NAALADL2: variants seen among roughly 807,000 people sequenced by gnomAD.
The protein encoded by NAALADL2 is N-acetylated alpha-linked acidic dipeptidase like 2, also known as inactive N-acetylated-alpha-linked acidic dipeptidase-like protein 2.
Under a neutral mutation model 87.2 loss-of-function variants are expected in NAALADL2, and 76 were observed. That is an observed-to-expected ratio of 0.87 (90% confidence interval 0.72 to 1.05). NAALADL2 has a LOEUF of 1.05. Among genes scored for constraint, NAALADL2 ranks in the 50% least tolerant of loss-of-function variants. The probability of loss-of-function intolerance (pLI) is 0.00; values close to 1 mark genes in which losing one functional copy is unlikely to be tolerated. For synonymous variants in NAALADL2, 354 were observed against 331.0 expected, an observed-to-expected ratio of 1.07 and a Z score of -0.75; for missense variants, 1,089 against 945.8, an observed-to-expected ratio of 1.15 and a Z score of -1.99.
intron 2 of NAALADL2, among the ~76,000 whole-genome samples, chr3:175,160,484 C>CT (rs1472648510): frequency 7.0e-6 from 1 of 142,546 alleles, no homozygotes; most frequent in African/African-American, 2.5e-5. Flanking sequence ...TCCTAAGTAA[C>CT]TGGGATTACA....
intron 3 of NAALADL2, among the ~76,000 whole-genome samples, chr3:174,816,514 TTTATA>T (rs200266720): frequency 0.025 from 3,251 of 128,720 alleles, 40 homozygotes; most frequent in Middle Eastern, 0.038. Context: ...TATACATTTA[TTTATA>T]TTATATTATA....
At chr3:175,634,806 T>G (rs1415580748) in intron 11 of NAALADL2, among the ~76,000 whole-genome samples, 3 of 151,982 alleles carry the variant, frequency 2.0e-5, no homozygotes, top group Admixed American at 6.6e-5. Context: ...AAGCTATGAA[T>G]TTAGAGCTTT....
intron 2 of NAALADL2, among the ~76,000 whole-genome samples, chr3:174,700,155 G>A (rs1483987475): frequency 6.6e-6 from 1 of 150,936 alleles, no homozygotes; most frequent in East Asian, 1.9e-4. Context: ...TACTGAGGAA[G>A]GGCCTCAGGG....
At position 175,418,340 on chromosome 3, in the gene NAALADL2, T is replaced by C. The variant is rs76122906; in HGVS notation, c.1091-28889T>C. Among the ~76,000 whole-genome samples the C allele has an allele frequency of 4.2e-3, 636 of 152,234 alleles. 13 individuals are homozygous for C. In the East Asian group the frequency reaches 0.079, roughly 19 times the overall value. ...CCTCTGCCAAATACTCAGCCAAATT[T>C]TAAAAATAAAGAAGTTTTCCACTTT... On this transcript the variant is annotated intron_variant, in intron 5 of 13. Transcript: ENST00000454872.
At chr3:175,210,465 T>A (rs141966366) in intron 2 of NAALADL2, among the ~76,000 whole-genome samples, 1 of 151,762 alleles carries the variant, frequency 6.6e-6, no homozygotes, top group Non-Finnish European at 1.5e-5. Context: ...TACATGTTTA[T>A]GTGTTGTATG....
At chr3:175,713,245 T>A (rs989933206) in intron 11 of NAALADL2, among the ~76,000 whole-genome samples, 1 of 152,136 alleles carries the variant, frequency 6.6e-6, no homozygotes, top group Non-Finnish European at 1.5e-5. Flanking sequence ...AGTTCAAGAC[T>A]ACAACAATTT....
At chr3:174,773,175 A>T (rs999927362) in intron 3 of NAALADL2, among the ~76,000 whole-genome samples, 1 of 152,188 alleles carries the variant, frequency 6.6e-6, no homozygotes, top group Non-Finnish European at 1.5e-5. Context: ...AAGTCTATTC[A>T]GTAATAGAGG....
chr3:175,598,906 G>C (rs182488002), intron 10 of NAALADL2, among the ~76,000 whole-genome samples: 1 of 152,264 alleles, frequency 6.6e-6, no homozygotes. Flanking sequence ...TTTGTAGTAA[G>C]AGCGCACTGA....
At chr3:174,872,615 G>A (rs1727974583) in intron 1 of NAALADL2, among the ~76,000 whole-genome samples, 1 of 152,092 alleles carries the variant, frequency 6.6e-6, no homozygotes. Context: ...GTTAGTAACT[G>A]CTGAAGCTAA....
intron 5 of NAALADL2, among the ~76,000 whole-genome samples, chr3:175,425,956 G>T (rs1421807351): frequency 6.6e-6 from 1 of 152,118 alleles, no homozygotes; most frequent in Non-Finnish European, 1.5e-5. Context: ...GTACTTGGGG[G>T]TTGACAACCT....
At chr3:175,663,140 C>A (rs1732491578) in intron 11 of NAALADL2, among the ~76,000 whole-genome samples, 1 of 149,982 alleles carries the variant, frequency 6.7e-6, no homozygotes, top group African/African-American at 2.4e-5. Context: ...AGCTCCTGGG[C>A]TTGCTTTTTT....
intron 5 of NAALADL2, among the ~76,000 whole-genome samples, chr3:175,421,574 T>G (rs1371692930): frequency 6.6e-6 from 1 of 152,090 alleles, no homozygotes; most frequent in Non-Finnish European, 1.5e-5. Flanking sequence ...AGAATTTTGT[T>G]GTGTTACAGA....
chr3:174,696,151 G>C (rs1164765058), intron 2 of NAALADL2, among the ~76,000 whole-genome samples: 1 of 151,866 alleles, frequency 6.6e-6, no homozygotes, highest in African/African-American at 2.4e-5. Flanking sequence ...AGGTGTAATG[G>C]GAAGTATTAC....
chr3:174,702,436 ACT>A (rs1197682559), intron 2 of NAALADL2, among the ~76,000 whole-genome samples: 2 of 152,076 alleles, frequency 1.3e-5, no homozygotes, highest in Non-Finnish European at 2.9e-5. Flanking sequence ...GAAGAGTGAG[ACT>A]CTGTACCTGC....
chr3:174,454,358 G>A (rs1286773046), intron 1 of NAALADL2, among the ~76,000 whole-genome samples: 2 of 151,982 alleles, frequency 1.3e-5, no homozygotes, highest in East Asian at 3.9e-4. Context: ...ACGATATTCA[G>A]GACCTAAACT....
intron 9 of NAALADL2, among the ~76,000 whole-genome samples, chr3:175,489,830 A>G (rs62287073): frequency 0.34 from 51,919 of 152,064 alleles, 9,894 homozygotes; most frequent in African/African-American, 0.51. Context: ...TTTAAAAATA[A>G]AGCATTATTC....
intron 1 of NAALADL2, among the ~76,000 whole-genome samples, chr3:174,509,298 C>T (rs1382735704): frequency 2.0e-5 from 3 of 151,716 alleles, no homozygotes; most frequent in Non-Finnish European, 2.9e-5. Context: ...TCTCAGGCTG[C>T]TATAAAAGAA....
chr3:175,165,104 C>A (rs777252547), intron 2 of NAALADL2, among the ~76,000 whole-genome samples: 1 of 152,082 alleles, frequency 6.6e-6, no homozygotes, highest in African/African-American at 2.4e-5. Flanking sequence ...GACTTCTGAT[C>A]TATTATTACT....
chr3:175,399,895 C>G (rs1030929542), intron 5 of NAALADL2, among the ~76,000 whole-genome samples: 1 of 152,082 alleles, frequency 6.6e-6, no homozygotes, highest in Non-Finnish European at 1.5e-5. Flanking sequence ...TGTTCATTTT[C>G]CTATTTAATC....
Sources: gnomAD v4.1 joint callset for allele counts (sites outside exome capture counted in the v4.1 genomes callset) on GRCh38, gnomAD v4.1.1 for gene constraint, MANE v1.5 for transcripts, NCBI Gene and HGNC (gene_info 2026-07-23, HGNC 2026-07-21) for gene names.